The following GPR158 variants were observed in gnomAD, a reference collection of about 807,000 sequenced individuals.
GPR158 encodes G protein-coupled receptor 158, also known as metabotropic glycine receptor.
GPR158 carries 30 observed loss-of-function variants against 78.2 expected under a neutral mutation model. The observed-to-expected ratio is 0.38, with a 90% CI of 0.29 to 0.52. GPR158 has a LOEUF of 0.52. GPR158 is among the 20% of genes least tolerant of loss of function. GPR158 has a pLI of 0.83. For missense variants in GPR158, 1,463 were observed against 1,523.5 expected (o/e 0.96, Z 0.66); for synonymous variants, 581 against 591.1 (o/e 0.98, Z 0.25).
intron 6 of GPR158, among the ~76,000 whole-genome samples, chr10:25,556,870 C>G (rs940516223): frequency 2.0e-5 from 3 of 151,894 alleles, no homozygotes; most frequent in African/African-American, 7.2e-5. Context: ...CCTTTCAGAA[C>G]TAACTCTCAT....
intron 2 of GPR158, among the ~76,000 whole-genome samples, chr10:25,247,743 CTT>C (rs1853718530): frequency 6.6e-6 from 1 of 151,804 alleles, no homozygotes; most frequent in Admixed American, 6.6e-5. Flanking sequence ...GCTTCCAAGT[CTT>C]TGCTATTGTG....
intron 2 of GPR158, among the ~76,000 whole-genome samples, chr10:25,364,935 C>T (rs914147745): frequency 6.6e-6 from 1 of 151,446 alleles, no homozygotes; most frequent in African/African-American, 2.4e-5. Flanking sequence ...TGAGTTATGC[C>T]ATAGAGAGCA....
At chr10:25,588,909 TA>T (rs1441726255) in intron 7 of GPR158, 97 bp from the exon 8 acceptor site, 4 of 718,842 alleles carry the variant, frequency 5.6e-6, no homozygotes, top group African/African-American at 3.5e-5. Context: ...CATCTATTTA[TA>T]AAAAACTTAT....
intron 2 of GPR158, among the ~76,000 whole-genome samples, chr10:25,226,659 C>T (rs1399678412): frequency 1.3e-5 from 2 of 152,086 alleles, no homozygotes; most frequent in Non-Finnish European, 2.9e-5. Flanking sequence ...TTCTTTTCTC[C>T]TATTACTAGT....
intron 2 of GPR158, among the ~76,000 whole-genome samples, chr10:25,335,711 CAAAT>C (rs1460133908): frequency 6.6e-6 from 1 of 151,932 alleles, no homozygotes; most frequent in Non-Finnish European, 1.5e-5. Context: ...TAGTTTATGG[CAAAT>C]AAAGTACCTT....
At position 25,395,938 on chromosome 10, in the gene GPR158, G is replaced by A. The variant is rs369165750; in HGVS notation, c.1036G>A (p.Val346Ile). The A allele has an allele frequency of 4.7e-5, 76 of 1,603,962 alleles. No individual in the cohort carries two copies. The highest frequency in any genetic ancestry group is 2.4e-4 in the South Asian group (22 of 90,854). Residue 346 changes from valine to isoleucine, a missense_variant, in exon 3 of 11, where the codon GTT (valine) becomes ATT (isoleucine). Val to Ile is a conservative substitution (Grantham distance 29). Coordinates refer to ENST00000376351, the MANE Select transcript of GPR158 (RefSeq NM_020752.3). Reference sequence around the variant, plus strand: ...TATGCCAATTAAAGGCCTAGGATTCGTTCTTGGAGCCTATGAGTGCATTTG... The same window carrying A: ...TATGCCAATTAAAGGCCTAGGATTCATTCTTGGAGCCTATGAGTGCATTTG... ...ECMPIKGLGF[V>I]LGAYECICKA...
chr10:25,478,592 CTG>C (rs1301205379), intron 5 of GPR158, among the ~76,000 whole-genome samples: 2 of 151,680 alleles, frequency 1.3e-5, no homozygotes, highest in Non-Finnish European at 2.9e-5. Context: ...AAGATACTAA[CTG>C]TGATCTTTAT....
At chr10:25,258,870 AAC>A (rs1422703445) in intron 2 of GPR158, among the ~76,000 whole-genome samples, 1 of 152,190 alleles carries the variant, frequency 6.6e-6, no homozygotes, top group Non-Finnish European at 1.5e-5. Flanking sequence ...CTGTAACATA[AAC>A]AGTCAATTAA....
At chr10:25,569,869 T>A (rs184474320) in intron 6 of GPR158, among the ~76,000 whole-genome samples, 90 of 152,280 alleles carry the variant, frequency 5.9e-4, no homozygotes, top group African/African-American at 2.2e-3. Context: ...GAGAAAAAAA[T>A]TATATCTTAT....
chr10:25,244,754 A>G (rs149821364), intron 2 of GPR158: 2 of 152,280 alleles, frequency 1.3e-5, no homozygotes, highest in African/African-American at 4.8e-5. Context: ...TTGGAGGGTT[A>G]TGACAACAAT....
intron 7 of GPR158, among the ~76,000 whole-genome samples, chr10:25,575,725 T>C (rs17557337): frequency 0.033 from 5,027 of 152,264 alleles, 135 homozygotes; most frequent in Non-Finnish European, 0.051. Context: ...TTTTCAATTA[T>C]TATTTCAAAT....
At chr10:25,184,282 C>G (rs1397997641) in intron 1 of GPR158, among the ~76,000 whole-genome samples, 1 of 152,110 alleles carries the variant, frequency 6.6e-6, no homozygotes, top group East Asian at 1.9e-4. Context: ...CATGGCATTC[C>G]TAGGCTCAGG....
intron 4 of GPR158, among the ~76,000 whole-genome samples, chr10:25,453,483 T>G (rs1395522648): frequency 6.6e-6 from 1 of 152,166 alleles, no homozygotes; most frequent in Non-Finnish European, 1.5e-5. Context: ...TCTTCATTTC[T>G]CTGATGATTA....
chr10:25,570,751 CTAAAAAAA>C (rs919142698), intron 6 of GPR158, among the ~76,000 whole-genome samples: 3 of 151,910 alleles, frequency 2.0e-5, no homozygotes, highest in African/African-American at 7.3e-5. Context: ...CCCGTTTCTA[CTAAAAAAA>C]TATAAAAATT....
chr10:25,532,531 G>A (rs1239399505), intron 5 of GPR158, among the ~76,000 whole-genome samples: 1 of 151,728 alleles, frequency 6.6e-6, no homozygotes, highest in East Asian at 1.9e-4. Flanking sequence ...GCTTCTCCTT[G>A]GGTCGTTTTC....
intron 7 of GPR158, among the ~76,000 whole-genome samples, chr10:25,575,848 C>G (rs1259602609): frequency 6.6e-6 from 1 of 151,734 alleles, no homozygotes; most frequent in Non-Finnish European, 1.5e-5. Flanking sequence ...TTCCTGCCTT[C>G]ATATCTATAA....
chr10:25,341,208 C>T (rs892843369), intron 2 of GPR158, among the ~76,000 whole-genome samples: 4 of 151,776 alleles, frequency 2.6e-5, no homozygotes, highest in Non-Finnish European at 5.9e-5. Flanking sequence ...ATTCTTCAGG[C>T]AGAGGAAAAT....
At chr10:25,318,077 A>C (rs184394245) in intron 2 of GPR158, among the ~76,000 whole-genome samples, 1 of 152,114 alleles carries the variant, frequency 6.6e-6, no homozygotes, top group Non-Finnish European at 1.5e-5. Context: ...GGCAGTTTTG[A>C]TGTGAGTTGT....
intron 1 of GPR158, among the ~76,000 whole-genome samples, chr10:25,206,279 G>T (rs918883918): frequency 2.0e-5 from 3 of 152,072 alleles, no homozygotes; most frequent in African/African-American, 7.2e-5. Flanking sequence ...GAGCCACCGC[G>T]CCCGGCCCAG....
Sources: gnomAD v4.1 joint callset for allele counts (sites outside exome capture counted in the v4.1 genomes callset) on GRCh38, gnomAD v4.1.1 for gene constraint, MANE v1.5 for transcripts, NCBI Gene and HGNC (gene_info 2026-07-23, HGNC 2026-07-21) for gene names.